The following UBE2D3 variants were observed in gnomAD, a reference collection of about 807,000 sequenced individuals.
The protein encoded by UBE2D3 is ubiquitin conjugating enzyme E2 D3.
A neutral mutation model predicts 22.8 loss-of-function variants in UBE2D3; 2 were observed. That is an observed-to-expected ratio of 0.09 (90% CI 0.04 to 0.28). The LOEUF (loss-of-function observed/expected upper bound fraction) is 0.28, where lower values mean the gene tolerates loss of function less well. Among genes scored for constraint, UBE2D3 ranks in the 10% least tolerant of loss-of-function variants. The pLI, the probability that UBE2D3 is intolerant of heterozygous loss-of-function variation, is 1.00. For synonymous variants in UBE2D3, 56 were observed against 60.4 expected (o/e 0.93, Z 0.34); for missense variants, 27 against 182.5 (o/e 0.15, Z 4.91).
At chr4:102,853,885 G>T (rs1732505601) in intron 1 of UBE2D3, among the ~76,000 whole-genome samples, 1 of 152,152 alleles carries the variant, frequency 6.6e-6, no homozygotes, top group Non-Finnish European at 1.5e-5. Context: ...AAAGGGATAA[G>T]ATCCACTTCA....
chr4:102,794,740 G>GT lies in UBE2D3; in HGVS notation c.*2674dup, dbSNP rs1053903487. On this transcript the variant is annotated 3_prime_UTR_variant, in exon 8 of 8. Coordinates refer to ENST00000453744, the MANE Select transcript of UBE2D3 (RefSeq NM_181891.3). ...TTAACTGTGGTTCATACTTTAAAATGTGAGTACACCCACACAAGAAAGCAA... is the reference window on the plus strand; with the variant it reads ...TTAACTGTGGTTCATACTTTAAAATGTTGAGTACACCCACACAAGAAAGCAA... 6.6e-6 allele frequency: 1 copy of GT among 151,754 alleles called. No individual in the cohort carries two copies. The highest frequency in any genetic ancestry group is 2.4e-5 in the African/African-American group (1 of 41,316). 9.4% of individuals were successfully genotyped at this position (151,754 alleles called of 1,614,324 possible). A position where few individuals can be genotyped will look rare whatever the true frequency, so the allele number is the denominator to read the frequency against.
upstream of UBE2D3, among the ~76,000 whole-genome samples, chr4:102,829,892 T>A (rs1420405166): frequency 6.6e-6 from 1 of 152,018 alleles, no homozygotes; most frequent in East Asian, 1.9e-4. Flanking sequence ...TGGGCCAAGA[T>A]CACTGCGACA....
chr4:102,814,817 T>C (rs541143110), intron 2 of UBE2D3, among the ~76,000 whole-genome samples: 1 of 152,220 alleles, frequency 6.6e-6, no homozygotes, highest in Non-Finnish European at 1.5e-5. Flanking sequence ...GGCCACATAA[T>C]ATAGCCACTT....
At chr4:102,837,093 C>A (rs1346036053) in intron 1 of UBE2D3, 2 of 152,180 alleles carry the variant, frequency 1.3e-5, no homozygotes, top group Non-Finnish European at 2.9e-5. Context: ...AAAGAGCAGT[C>A]ACACTATGTC....
chr4:102,846,175 A>G (rs1338283802), intron 1 of UBE2D3, among the ~76,000 whole-genome samples: 2 of 152,142 alleles, frequency 1.3e-5, no homozygotes, highest in African/African-American at 4.8e-5. Context: ...ACTCAGTTCC[A>G]CTACAGTGTT....
At chr4:102,841,017 T>TAA (rs34074725) in intron 1 of UBE2D3, among the ~76,000 whole-genome samples, 9 of 140,550 alleles carry the variant, frequency 6.4e-5, no homozygotes, top group African/African-American at 2.4e-4. Flanking sequence ...AAGACTCTTT[T>TAA]AAAAAAAAAA....
intron 1 of UBE2D3, among the ~76,000 whole-genome samples, chr4:102,849,702 G>T (rs78536591): frequency 0.012 from 1,811 of 152,284 alleles, 20 homozygotes; most frequent in African/African-American, 0.036. Context: ...TGGTCATCAA[G>T]TAAAAGGTTA....
intron 6 of UBE2D3, 72 bp downstream of exon 6, chr4:102,801,382 C>T: frequency 5.4e-6 from 7 of 1,296,882 alleles, no homozygotes; most frequent in Non-Finnish European, 7.5e-6. Flanking sequence ...AATAAAAATA[C>T]TCAGATAAGT....
At chr4:102,860,742 CCAG>C (rs1669769775) in intron 1 of UBE2D3, among the ~76,000 whole-genome samples, 1 of 151,918 alleles carries the variant, frequency 6.6e-6, no homozygotes, top group South Asian at 2.1e-4. Flanking sequence ...TTCTTCCAAT[CCAG>C]CAGGAGCCAG....
intron 5 of UBE2D3, 132 bp from the exon 6 acceptor site, chr4:102,801,691 G>C: frequency 1.4e-6 from 1 of 714,922 alleles, no homozygotes; most frequent in Non-Finnish European, 2.2e-6. Flanking sequence ...TATAGAAACT[G>C]ATTTTTACAA....
chr4:102,865,245 G>A (rs566201816), intron 1 of UBE2D3, among the ~76,000 whole-genome samples: 1 of 152,226 alleles, frequency 6.6e-6, no homozygotes, highest in East Asian at 1.9e-4. Context: ...TGTAATCCCA[G>A]CACTTTGGGA....
At chr4:102,854,431 A>G (rs1010852088) in intron 1 of UBE2D3, among the ~76,000 whole-genome samples, 1 of 151,824 alleles carries the variant, frequency 6.6e-6, no homozygotes, top group African/African-American at 2.4e-5. Context: ...GTGATACTGG[A>G]TTTGTCTATT....
Position 102,795,855 on chromosome 4 carries a change from A to C in UBE2D3, c.*1560T>G, listed in dbSNP as rs1725220869. On this transcript the variant is annotated 3_prime_UTR_variant, in exon 8 of 8. Transcript: ENST00000453744. ...GAAATAAAGCAGTGAACAAAATCAA[A>C]ATAAACAGGAAAAATGTAAAACTAT... is the stretch of plus-strand genomic sequence containing the variant. 1 of 152,332 alleles carries C rather than the reference A, an allele frequency of 6.6e-6. No homozygotes were observed. Among genetic ancestry groups the C allele is most frequent in the Admixed American group, 6.6e-5 (1 of 15,248 alleles). 9.4% of individuals were successfully genotyped at this position (152,332 alleles called of 1,614,324 possible).
At chr4:102,862,785 T>C (rs186960410) in intron 1 of UBE2D3, among the ~76,000 whole-genome samples, 1 of 152,314 alleles carries the variant, frequency 6.6e-6, no homozygotes, top group East Asian at 1.9e-4. Context: ...ATTTAACTTT[T>C]GTAGTATGTG....
rs1413030739 is a variant in UBE2D3 at position 102,794,533 on chromosome 4, CAACA to C, written c.*2878_*2881del. 1 of 152,030 alleles carries C rather than the reference CAACA, an allele frequency of 6.6e-6. No homozygotes were observed. Among genetic ancestry groups the C allele is most frequent in the Non-Finnish European group, 1.5e-5 (1 of 67,948 alleles). 9.4% of individuals were successfully genotyped at this position (152,030 alleles called of 1,614,324 possible). A position where few individuals can be genotyped will look rare whatever the true frequency, so the allele number is the denominator to read the frequency against. The stretch of plus-strand genomic sequence containing the variant: ...AGACAAATTCACTTAAAAGTGTAAT[CAACA>C]ATCATTAACAGTTTTGTTATGCCAA... On this transcript the variant is annotated 3_prime_UTR_variant, in exon 8 of 8. Coordinates refer to ENST00000453744, the MANE Select transcript of UBE2D3 (RefSeq NM_181891.3).
intron 6 of UBE2D3, among the ~76,000 whole-genome samples, chr4:102,799,969 G>A (rs1725884828): frequency 6.6e-6 from 1 of 151,774 alleles, no homozygotes; most frequent in Non-Finnish European, 1.5e-5. Flanking sequence ...TCCACTAAAT[G>A]TCTCCTTGAA....
intron 1 of UBE2D3, among the ~76,000 whole-genome samples, chr4:102,864,634 C>A (rs188580861): frequency 6.6e-6 from 1 of 152,162 alleles, no homozygotes; most frequent in East Asian, 1.9e-4. Context: ...AAAACTGAGG[C>A]CCTAATTAAT....
chr4:102,826,563 G>C lies in UBE2D3; in HGVS notation c.-55C>G, dbSNP rs1730537457. The stretch of plus-strand genomic sequence containing the variant: ...CTCTCGGTGTATGCTCAAAGGTCCG[G>C]CCAAAACTCTTGATTATCCCGGCGG... On this transcript the variant is annotated 5_prime_UTR_variant, in exon 2 of 8. Transcript: ENST00000453744. 6.2e-7 allele frequency: 1 copy of C among 1,608,906 alleles called. No homozygotes were observed. The highest frequency in any genetic ancestry group is 1.7e-5 in the Admixed American group (1 of 59,414).
At position 102,796,004 on chromosome 4, in the gene UBE2D3, T is replaced by C. The variant is rs1045845383; in HGVS notation, c.*1411A>G. The C allele has an allele frequency of 1.3e-5, 2 of 152,506 alleles. No individual in the cohort carries two copies. Among genetic ancestry groups the C allele is most frequent in the Non-Finnish European group, 2.9e-5 (2 of 67,940 alleles). 9.4% of individuals were successfully genotyped at this position (152,506 alleles called of 1,614,324 possible). A position where few individuals can be genotyped will look rare whatever the true frequency, so the allele number is the denominator to read the frequency against. ...AATAGCATTGACTTTTATTCATTCA[T>C]GTTAAGTCACCTGAAATGATATCTG... On this transcript the variant is annotated 3_prime_UTR_variant, in exon 8 of 8. Transcript: ENST00000453744.
Sources: gnomAD v4.1 joint callset for allele counts (sites outside exome capture counted in the v4.1 genomes callset) on GRCh38, gnomAD v4.1.1 for gene constraint, MANE v1.5 for transcripts, NCBI Gene and HGNC (gene_info 2026-07-23, HGNC 2026-07-21) for gene names.